Variants in SNAP29 observed in about 807,000 individuals in gnomAD.
SNAP29 encodes synaptosome associated protein 29.
Under a neutral mutation model 27.9 loss-of-function variants are expected in SNAP29, and 13 were observed. The ratio of observed to expected loss-of-function variants is 0.47; its 90% CI spans 0.30 to 0.74. The LOEUF (loss-of-function observed/expected upper bound fraction) is 0.74. Ranked by LOEUF, SNAP29 falls within the 30% of genes least tolerant of loss-of-function variation. The probability of loss-of-function intolerance (pLI) is 0.06; values close to 1 mark genes in which losing one functional copy is unlikely to be tolerated. For synonymous variants in SNAP29, 119 were observed against 127.1 expected (o/e 0.94, Z 0.43); for missense variants, 368 against 336.5 (o/e 1.09, Z -0.73).
intron 2 of SNAP29, among the ~76,000 whole-genome samples, chr22:20,874,342 A>C: frequency 7.3e-6 from 1 of 136,698 alleles, no homozygotes; most frequent in African/African-American, 2.7e-5. Flanking sequence ...ACACACACGA[A>C]AATTAGCCAC....
intron 3 of SNAP29, among the ~76,000 whole-genome samples, chr22:20,883,256 A>G (rs1928929855): frequency 1.3e-5 from 2 of 152,124 alleles, no homozygotes; most frequent in Admixed American, 1.3e-4. Context: ...CCAAGTACTG[A>G]GGGAAAGTGA....
In SNAP29 at chr22:20,859,332, G is replaced by A. The variant is rs1928155361; in HGVS notation, c.222G>A (p.Gly74=). Residue 74 remains glycine (G), a synonymous_variant, in exon 1 of 5, where the codon GGG becomes GGA. Transcript: ENST00000215730. ...LALMYESEKV[G]VASSEELARQ... is the part of the protein sequence containing the mutation. ...TCATGTACGAGTCCGAGAAGGTTGG[G>A]GTCGCCTCTTCCGAGGTGAGCCTGG... The A allele has an allele frequency of 1.2e-6, 2 of 1,613,134 alleles. No homozygotes were observed. The highest frequency in any genetic ancestry group is 1.7e-6 in the Non-Finnish European group (2 of 1,179,550).
At chr22:20,876,255 C>CTTTT (rs539425477) in intron 2 of SNAP29, among the ~76,000 whole-genome samples, 2 of 129,580 alleles carry the variant, frequency 1.5e-5, no homozygotes, top group South Asian at 2.5e-4. Flanking sequence ...AAAACTTTGC[C>CTTTT]TTTTTTTTTT....
chr22:20,877,948 C>T (rs2147869213), intron 2 of SNAP29, among the ~76,000 whole-genome samples: 1 of 152,336 alleles, frequency 6.6e-6, no homozygotes, highest in South Asian at 2.1e-4. Flanking sequence ...TTAGAGGAGC[C>T]AGTTCTGTGT....
Position 20,887,851 on chromosome 22 carries a change from C to A in SNAP29, c.*15C>A. On this transcript the variant is annotated 3_prime_UTR_variant, in exon 5 of 5. Transcript: ENST00000215730. ...GACAACTCTGAAGACAGACGGATTT[C>A]CACTCTATTGTGATGAAAAGATTTG... The A allele has an allele frequency of 6.2e-7, 1 of 1,611,990 alleles. No homozygotes were observed. Among genetic ancestry groups the A allele is most frequent in the South Asian group, 1.1e-5 (1 of 91,024 alleles).
chr22:20,871,991 C>T (rs1928603486), intron 2 of SNAP29, among the ~76,000 whole-genome samples: 2 of 152,146 alleles, frequency 1.3e-5, no homozygotes, highest in South Asian at 4.1e-4. Flanking sequence ...TTTCAGATCA[C>T]TGTGTCTGTT....
chr22:20,870,288 G>A (rs1466273028), intron 1 of SNAP29, 49 bp from the exon 2 acceptor site: 1 of 1,573,036 alleles, frequency 6.4e-7, no homozygotes, highest in Admixed American at 1.7e-5. Context: ...GACTGCCCTG[G>A]GGGAGAGTCA....
At chr22:20,874,714 C>A (rs1322445354) in intron 2 of SNAP29, among the ~76,000 whole-genome samples, 4 of 152,084 alleles carry the variant, frequency 2.6e-5, no homozygotes, top group Non-Finnish European at 5.9e-5. Context: ...GCCATAATCA[C>A]CATTCTGGGT....
At position 20,870,461 on chromosome 22, in the gene SNAP29, A is replaced by G. The variant is rs1429054861; in HGVS notation, c.362A>G (p.Asn121Ser). 7.4e-6 allele frequency: 12 copies of G among 1,614,226 alleles called. No individual in the cohort carries two copies. Among genetic ancestry groups the G allele is most frequent in the South Asian group, 1.1e-5 (1 of 91,082 alleles). The change falls in exon 2 of 5, where the codon AAT becomes AGT. Residue 121 changes from asparagine to serine, a missense_variant. Asn to Ser is a conservative substitution (Grantham distance 46). Coordinates refer to ENST00000215730, the MANE Select transcript of SNAP29 (RefSeq NM_004782.4). ...AAGAGCGTGTTTGGGGGGCTGGTCA[A>G]TTACTTCAAATCCAAACCAGTAGAG... ...SIKSVFGGLV[N>S]YFKSKPVETP...
intron 2 of SNAP29, among the ~76,000 whole-genome samples, chr22:20,880,389 C>G (rs935623605): frequency 2.1e-4 from 32 of 151,904 alleles, no homozygotes; most frequent in African/African-American, 7.5e-4. Flanking sequence ...CTGTAATATC[C>G]CAGCTACTCG....
chr22:20,871,557 C>T (rs536706428), intron 2 of SNAP29, among the ~76,000 whole-genome samples: 1 of 150,800 alleles, frequency 6.6e-6, no homozygotes, highest in East Asian at 2.0e-4. Flanking sequence ...AAGTTGCTTT[C>T]CTCAGGTTTT....
chr22:20,859,637 C>A (rs1035771468), intron 1 of SNAP29: 4 of 484,000 alleles, frequency 8.3e-6, no homozygotes, highest in Non-Finnish European at 1.5e-5. Context: ...TATTTTCTGT[C>A]CAGGTGAGTA....
chr22:20,877,333 G>T (rs1928771595), intron 2 of SNAP29, among the ~76,000 whole-genome samples: 1 of 152,114 alleles, frequency 6.6e-6, no homozygotes, highest in African/African-American at 2.4e-5. Context: ...AAGGAGGGTG[G>T]ATCACCTGAG....
intron 4 of SNAP29, among the ~76,000 whole-genome samples, chr22:20,887,260 A>C (rs1374298549): frequency 6.6e-6 from 1 of 151,368 alleles, no homozygotes; most frequent in East Asian, 1.9e-4. Context: ...TTTTGCTTAG[A>C]TTTGTGGTAC....
chr22:20,874,361 ACACACACACAC>A (rs1928684658), intron 2 of SNAP29, among the ~76,000 whole-genome samples: 1 of 35,534 alleles, frequency 2.8e-5, no homozygotes, highest in Admixed American at 3.4e-4. Context: ...ACACACACAC[ACACACACACAC>A]ACACACACAC....
At chr22:20,860,156 G>A (rs532588779) in intron 1 of SNAP29, among the ~76,000 whole-genome samples, 1 of 150,488 alleles carries the variant, frequency 6.6e-6, no homozygotes, top group African/African-American at 2.4e-5. Context: ...TTCGAGACCC[G>A]CCTGGGCAAC....
At chr22:20,871,465 CAG>C (rs935302392) in intron 2 of SNAP29, among the ~76,000 whole-genome samples, 3 of 117,326 alleles carry the variant, frequency 2.6e-5, no homozygotes, top group African/African-American at 1.0e-4. Context: ...GCATCAGTGA[CAG>C]AGTCTCCCTG....
intron 1 of SNAP29, among the ~76,000 whole-genome samples, chr22:20,863,480 A>G (rs1241213887): frequency 2.0e-5 from 3 of 152,198 alleles, no homozygotes; most frequent in Non-Finnish European, 4.4e-5. Flanking sequence ...CCCTTCTCCT[A>G]CTGTGAAACC....
intron 1 of SNAP29, among the ~76,000 whole-genome samples, chr22:20,862,476 G>A (rs571115964): frequency 2.0e-4 from 31 of 152,322 alleles, no homozygotes; most frequent in African/African-American, 7.5e-4. Flanking sequence ...TAGACTGGGT[G>A]TGTTAGAGGA....
Sources: allele counts gnomAD v4.1 joint callset (sites outside exome capture counted in the v4.1 genomes callset), GRCh38; gene constraint gnomAD v4.1.1; transcripts MANE v1.5; gene names NCBI Gene and HGNC (gene_info 2026-07-23, HGNC 2026-07-21).